Variants in PCSK6 observed in about 807,000 individuals in gnomAD.
The protein encoded by PCSK6 is paired basic amino acid cleaving enzyme 4.
Under a neutral mutation model 123.3 loss-of-function variants are expected in PCSK6, and 85 were observed. The ratio of observed to expected loss-of-function variants is 0.69; its 90% CI spans 0.58 to 0.83. The LOEUF (loss-of-function observed/expected upper bound fraction) is 0.83. Ranked by LOEUF, PCSK6 falls within the 40% of genes least tolerant of loss-of-function variation. The probability of loss-of-function intolerance (pLI) is 0.00; values close to 1 mark genes in which losing one functional copy is unlikely to be tolerated. For missense variants in PCSK6, 1,191 were observed against 1,282.3 expected (o/e 0.93, Z 1.09); for synonymous variants, 508 against 516.0 (o/e 0.98, Z 0.21).
intron 13 of PCSK6, chr15:101,334,155 G>A (rs376701344): frequency 5.9e-5 from 9 of 152,302 alleles, no homozygotes; most frequent in South Asian, 2.1e-4. Flanking sequence ...CCCAGCCTAC[G>A]TGTGTGGTGA....
chr15:101,410,089 T>C (rs973171471), intron 6 of PCSK6, among the ~76,000 whole-genome samples: 1 of 152,188 alleles, frequency 6.6e-6, no homozygotes, highest in Non-Finnish European at 1.5e-5. Context: ...TAAGCCACCA[T>C]GCCTGGCTAA....
At chr15:101,361,533 G>T (rs959321124) in intron 13 of PCSK6, among the ~76,000 whole-genome samples, 1 of 152,186 alleles carries the variant, frequency 6.6e-6, no homozygotes, top group Non-Finnish European at 1.5e-5. Context: ...TCCCCAAGGA[G>T]GGAGCAGCAC....
intron 21 of PCSK6, among the ~76,000 whole-genome samples, chr15:101,306,398 C>T (rs1349580407): frequency 1.3e-5 from 2 of 152,054 alleles, no homozygotes; most frequent in African/African-American, 4.8e-5. Context: ...CATCCCAGGG[C>T]CCTCCACAAG....
chr15:101,422,223 G>A (rs540663880), intron 6 of PCSK6, among the ~76,000 whole-genome samples: 98 of 152,116 alleles, frequency 6.4e-4, no homozygotes, highest in Non-Finnish European at 1.2e-3. Context: ...GCTGGAAATT[G>A]AGAGGAGAAA....
Position 101,307,209 on chromosome 15 carries a change from T to C in PCSK6, c.2812+4A>G, listed in dbSNP as rs2039743497. The C allele has an allele frequency of 6.2e-7, 1 of 1,609,134 alleles. No individual in the cohort carries two copies. The highest frequency in any genetic ancestry group is 1.3e-5 in the African/African-American group (1 of 74,938). On this transcript the variant is annotated splice_donor_region_variant and intron_variant, in intron 21 of 21. Transcript: ENST00000611716. ...AGCCCCAGGGTAACCCAGCTGCTGC[T>C]CACCGTTGCTGCACGTGTGGTTGGT... is the stretch of plus-strand genomic sequence containing the variant.
At chr15:101,330,412 C>T (rs1486240842) in intron 15 of PCSK6, among the ~76,000 whole-genome samples, 1 of 152,260 alleles carries the variant, frequency 6.6e-6, no homozygotes, top group African/African-American at 2.4e-5. Flanking sequence ...CCATGGCCGG[C>T]TCCGCACACC....
At chr15:101,445,207 C>T (rs959280582) in intron 1 of PCSK6, among the ~76,000 whole-genome samples, 4 of 152,192 alleles carry the variant, frequency 2.6e-5, no homozygotes, top group African/African-American at 9.7e-5. Context: ...CTGGGATTCT[C>T]TCTCGGGCTC....
intron 11 of PCSK6, among the ~76,000 whole-genome samples, chr15:101,376,570 G>A (rs1596255854): frequency 1.3e-5 from 2 of 152,188 alleles, no homozygotes; most frequent in Admixed American, 6.5e-5. Flanking sequence ...TAGGAATAAC[G>A]CTTCAGTGTT....
chr15:101,451,406 A>AT (rs1158775013), intron 1 of PCSK6, among the ~76,000 whole-genome samples: 2 of 152,118 alleles, frequency 1.3e-5, no homozygotes, highest in East Asian at 1.9e-4. Context: ...GGCTAAGCGC[A>AT]TACTTTGGTA....
chr15:101,390,666 C>G (rs2042207082), intron 8 of PCSK6, among the ~76,000 whole-genome samples: 1 of 152,182 alleles, frequency 6.6e-6, no homozygotes, highest in South Asian at 2.1e-4. Flanking sequence ...AACTCAGTCC[C>G]AGAACCACAG....
At chr15:101,332,163 C>T (rs1352675395) in intron 13 of PCSK6, 132 bp from the exon 14 acceptor site, 3 of 769,008 alleles carry the variant, frequency 3.9e-6, no homozygotes, top group African/African-American at 3.5e-5. Flanking sequence ...TTCCTGGTTA[C>T]CTGCTGGCCA....
chr15:101,408,323 T>C (rs1208907737), intron 6 of PCSK6, among the ~76,000 whole-genome samples: 1 of 152,214 alleles, frequency 6.6e-6, no homozygotes, highest in East Asian at 1.9e-4. Context: ...TCTTCCTGTC[T>C]CTCTGCTTCT....
intron 6 of PCSK6, among the ~76,000 whole-genome samples, chr15:101,407,373 A>G (rs2042810530): frequency 6.6e-6 from 1 of 152,140 alleles, no homozygotes; most frequent in African/African-American, 2.4e-5. Flanking sequence ...TATTTTCAGT[A>G]TCTGATGCTT....
intron 13 of PCSK6, chr15:101,347,336 G>A (rs2141400214): frequency 4.9e-6 from 6 of 1,234,972 alleles, no homozygotes; most frequent in Non-Finnish European, 5.0e-6. Context: ...AATAAAATGA[G>A]AACAGTTATG....
intron 17 of PCSK6, among the ~76,000 whole-genome samples, chr15:101,323,746 A>AG (rs1555445149): frequency 2.3e-4 from 35 of 149,036 alleles, no homozygotes; most frequent in South Asian, 6.4e-4. Flanking sequence ...AAAAAAAAAA[A>AG]GGGGGTGTCT....
chr15:101,314,264 A>G (rs769338094), intron 19 of PCSK6, among the ~76,000 whole-genome samples: 7 of 152,190 alleles, frequency 4.6e-5, no homozygotes, highest in Non-Finnish European at 7.3e-5. Flanking sequence ...TCAGGGTCCG[A>G]GGAGGACCTG....
intron 1 of PCSK6, among the ~76,000 whole-genome samples, chr15:101,467,849 G>C (rs957329849): frequency 9.2e-5 from 14 of 152,162 alleles, no homozygotes. Context: ...CTACGCCGGA[G>C]ATACGCAAGC....
intron 12 of PCSK6, among the ~76,000 whole-genome samples, chr15:101,369,358 G>T (rs1176583201): frequency 2.0e-5 from 3 of 152,164 alleles, no homozygotes; most frequent in African/African-American, 7.2e-5. Context: ...GCCTTCGCTA[G>T]CCCCTGTTTC....
At chr15:101,370,817 C>G (rs2041562870) in intron 11 of PCSK6, among the ~76,000 whole-genome samples, 1 of 152,234 alleles carries the variant, frequency 6.6e-6, no homozygotes, top group Admixed American at 6.5e-5. Context: ...GCCGAGGCAC[C>G]GCCTGCTGCC....
Sources: allele counts gnomAD v4.1 joint callset (sites outside exome capture counted in the v4.1 genomes callset), GRCh38; gene constraint gnomAD v4.1.1; transcripts MANE v1.5; gene names NCBI Gene and HGNC (gene_info 2026-07-23, HGNC 2026-07-21).